Variants in CTTNBP2 observed in about 807,000 individuals in gnomAD.
CTTNBP2 encodes the protein cortactin-binding protein 2.
A neutral mutation model predicts 156.9 loss-of-function variants in CTTNBP2; 108 were observed. That is an observed-to-expected ratio of 0.69 (90% CI 0.59 to 0.81). The LOEUF is 0.81. Ranked by LOEUF, CTTNBP2 falls within the 30% of genes least tolerant of loss-of-function variation. CTTNBP2 has a pLI of 0.00. For missense variants in CTTNBP2, 1,924 were observed against 2,035.4 expected (o/e 0.95, Z 1.05); for synonymous variants, 767 against 751.8 (o/e 1.02, Z -0.33).
chr7:117,842,634 C>A (rs1456540346), intron 2 of CTTNBP2, among the ~76,000 whole-genome samples: 1 of 152,164 alleles, frequency 6.6e-6, no homozygotes, highest in Admixed American at 6.5e-5. Flanking sequence ...GTGTCCTCCT[C>A]ACTGGCTCCA....
chr7:117,795,422 T>C (rs1799264075), intron 3 of CTTNBP2, among the ~76,000 whole-genome samples: 2 of 152,208 alleles, frequency 1.3e-5, no homozygotes, highest in Admixed American at 6.5e-5. Flanking sequence ...AGGCCAGTTT[T>C]CCGCTATTAA....
intron 2 of CTTNBP2, among the ~76,000 whole-genome samples, chr7:117,821,371 GTTTTTTA>G (rs1194626030): frequency 6.6e-6 from 1 of 150,942 alleles, no homozygotes; most frequent in East Asian, 1.9e-4. Flanking sequence ...TTTGTTTTTT[GTTTTTTA>G]ATAGCTGCAC....
chr7:117,732,306 A>C (rs189023194), intron 16 of CTTNBP2, among the ~76,000 whole-genome samples: 109 of 152,226 alleles, frequency 7.2e-4, no homozygotes, highest in African/African-American at 2.6e-3. Flanking sequence ...TGGAGGGTTC[A>C]CACAAAAATA....
intron 17 of CTTNBP2, among the ~76,000 whole-genome samples, chr7:117,727,749 C>A (rs1160359382): frequency 6.6e-6 from 1 of 152,184 alleles, no homozygotes; most frequent in African/African-American, 2.4e-5. Context: ...CTTTTCAATT[C>A]ATTAACAGAA....
chr7:117,754,459 C>G (rs1423849205), intron 12 of CTTNBP2, among the ~76,000 whole-genome samples: 1 of 152,184 alleles, frequency 6.6e-6, no homozygotes, highest in Non-Finnish European at 1.5e-5. Context: ...TTATACATAG[C>G]TCTATCCTCA....
Position 117,782,093 on chromosome 7 carries a change from T to C in CTTNBP2, c.2372+769A>G, listed in dbSNP as rs1191253531. ...ACATGGGGTCAACCTTAAAAACCCA[T>C]ATTTCAATAATTCTGGAATTTGTTA... On this transcript the variant is annotated intron_variant, in intron 6 of 22. Coordinates refer to ENST00000160373, the MANE Select transcript of CTTNBP2 (RefSeq NM_033427.3). Among the ~76,000 whole-genome samples the C allele has an allele frequency of 5.3e-5, 8 of 152,198 alleles. 1 individual carries two copies. The highest frequency in any genetic ancestry group is 1.5e-5 in the Non-Finnish European group (1 of 68,026).
In CTTNBP2 at chr7:117,784,564, G is replaced by C. The variant is rs571664838; in HGVS notation, c.2069-110C>G. 6 of 699,120 alleles carry C rather than the reference G, an allele frequency of 8.6e-6. No individual in the cohort carries two copies. The South Asian group carries it at 1.5e-4, about 17-fold the overall frequency. The allele number at this position is 699,120 out of a possible 1,614,324, so 43.3% of individuals were successfully genotyped here. On this transcript the variant is annotated intron_variant, in intron 4 of 22. Coordinates refer to ENST00000160373, the MANE Select transcript of CTTNBP2 (RefSeq NM_033427.3). ...ACAAACATATGAACATGTGTCCCTAGAGGATTATGTGGTTTCTAACATTAT... is the reference window on the plus strand; with the variant it reads ...ACAAACATATGAACATGTGTCCCTACAGGATTATGTGGTTTCTAACATTAT...
chr7:117,752,560 AAAACAG>A (rs1796667571), intron 12 of CTTNBP2, among the ~76,000 whole-genome samples: 1 of 152,260 alleles, frequency 6.6e-6, no homozygotes, highest in African/African-American at 2.4e-5. Flanking sequence ...ATCATTTTAA[AAAACAG>A]AAACAGAAAC....
At chr7:117,846,119 G>A (rs1279661057) in intron 2 of CTTNBP2, among the ~76,000 whole-genome samples, 1 of 152,122 alleles carries the variant, frequency 6.6e-6, no homozygotes, top group East Asian at 1.9e-4. Context: ...CCAAAGTGCT[G>A]AGATTACAGG....
chr7:117,841,636 C>T (rs896102169), intron 2 of CTTNBP2, among the ~76,000 whole-genome samples: 1 of 152,226 alleles, frequency 6.6e-6, no homozygotes, highest in Non-Finnish European at 1.5e-5. Flanking sequence ...TAGTTAGTCT[C>T]AGATAGAAAG....
chr7:117,790,038 T>C (rs1055305805), intron 4 of CTTNBP2, among the ~76,000 whole-genome samples: 2 of 152,206 alleles, frequency 1.3e-5, no homozygotes, highest in Non-Finnish European at 2.9e-5. Flanking sequence ...CTTTTCTCTC[T>C]CTCCCCTCAA....
chr7:117,791,238 T>C lies in CTTNBP2; in HGVS notation c.1958A>G (p.Asp653Gly), dbSNP rs2116856969. The C allele has an allele frequency of 3.1e-6, 5 of 1,614,150 alleles. No individual in the cohort carries two copies. Among genetic ancestry groups the C allele is most frequent in the Non-Finnish European group, 8.5e-7 (1 of 1,180,026 alleles). The stretch of plus-strand genomic sequence containing the variant: ...GGTGGTAGGAATGACAAGGGAACTG[T>C]CTGAACATGCAGGTTGGTTCAGTCC... ...TPGLNQPACS[D>G]SSLVIPTTIA... The change falls in exon 4 of 23, where the codon GAC (aspartate) becomes GGC (glycine). Residue 653 changes from aspartate to glycine, a missense_variant. Coordinates refer to ENST00000160373, the MANE Select transcript of CTTNBP2 (RefSeq NM_033427.3).
Position 117,719,649 on chromosome 7 carries a change from T to C in CTTNBP2, c.4512-13A>G. 6.2e-7 allele frequency: 1 copy of C among 1,600,772 alleles called. No homozygotes were observed. Among genetic ancestry groups the C allele is most frequent in the Non-Finnish European group, 8.5e-7 (1 of 1,172,778 alleles). On this transcript the variant is annotated splice_polypyrimidine_tract_variant and intron_variant, in intron 20 of 22. Transcript: ENST00000160373. ...ATTCTCTAAAGACCTAACACAAAGT[T>C]CAGAAAAACGTTTTTCAAAGTGAGA...
intron 2 of CTTNBP2, among the ~76,000 whole-genome samples, chr7:117,815,480 C>A (rs895573175): frequency 6.6e-6 from 1 of 152,168 alleles, no homozygotes; most frequent in East Asian, 1.9e-4. Context: ...ATATATCCTA[C>A]CCCCAGTGGA....
chr7:117,848,007 C>G (rs1802705249), intron 2 of CTTNBP2, among the ~76,000 whole-genome samples: 1 of 151,784 alleles, frequency 6.6e-6, no homozygotes, highest in Non-Finnish European at 1.5e-5. Flanking sequence ...TTAGTAGAAA[C>G]AGGGTTTCAC....
At chr7:117,796,361 A>C (rs910967372) in intron 3 of CTTNBP2, among the ~76,000 whole-genome samples, 2 of 152,228 alleles carry the variant, frequency 1.3e-5, no homozygotes, top group Non-Finnish European at 2.9e-5. Flanking sequence ...TTCAGCTCAG[A>C]GACAAACTAT....
chr7:117,861,651 A>T (rs1282518313), intron 1 of CTTNBP2, among the ~76,000 whole-genome samples: 3 of 152,004 alleles, frequency 2.0e-5, no homozygotes, highest in Admixed American at 6.6e-5. Context: ...GGAGTGGGGG[A>T]GTTTCAAGAG....
At chr7:117,817,364 ATATATAT>A (rs1800676791) in intron 2 of CTTNBP2, among the ~76,000 whole-genome samples, 1 of 55,950 alleles carries the variant, frequency 1.8e-5, no homozygotes, top group Admixed American at 1.9e-4. Context: ...AAAAAAAAAT[ATATATAT>A]ATATATATAT....
chr7:117,790,038 T>A (rs1055305805), intron 4 of CTTNBP2, among the ~76,000 whole-genome samples: 2 of 152,206 alleles, frequency 1.3e-5, no homozygotes, highest in Admixed American at 1.3e-4. Flanking sequence ...CTTTTCTCTC[T>A]CTCCCCTCAA....
Sources: gnomAD v4.1 joint callset for allele counts (sites outside exome capture counted in the v4.1 genomes callset) on GRCh38, gnomAD v4.1.1 for gene constraint, MANE v1.5 for transcripts, NCBI Gene and HGNC (gene_info 2026-07-23, HGNC 2026-07-21) for gene names.